IGFBP5: variants seen among roughly 807,000 people sequenced by gnomAD.
The protein encoded by IGFBP5 is insulin like growth factor binding protein 5, also known as insulin-like growth factor-binding protein 5.
IGFBP5 carries 12 observed loss-of-function variants against 28.0 expected under a neutral mutation model. The observed-to-expected ratio is 0.43, with a 90% CI of 0.27 to 0.69. The LOEUF is 0.69. Ranked by LOEUF, IGFBP5 falls within the 30% of genes least tolerant of loss-of-function variation. IGFBP5 has a pLI of 0.20. For missense variants in IGFBP5, 344 were observed against 381.6 expected, an observed-to-expected ratio of 0.90 and a Z score of 0.82; for synonymous variants, 152 against 150.2, an observed-to-expected ratio of 1.01 and a Z score of -0.09.
intron 1 of IGFBP5, among the ~76,000 whole-genome samples, chr2:216,687,550 C>T (rs1042619808): frequency 2.6e-5 from 4 of 152,152 alleles, no homozygotes; most frequent in Non-Finnish European, 4.4e-5. Flanking sequence ...AAGCAGCTGG[C>T]GATAACTGTA....
intron 1 of IGFBP5, among the ~76,000 whole-genome samples, chr2:216,686,493 C>T (rs1475232574): frequency 6.6e-6 from 1 of 151,942 alleles, no homozygotes; most frequent in Non-Finnish European, 1.5e-5. Flanking sequence ...CAGTGTGCAC[C>T]TATAGTCCTA....
rs1173455148 is a variant in IGFBP5, at chr2:216,674,871, G to A, written c.*1880C>T. The A allele has an allele frequency of 6.6e-6, 1 of 152,222 alleles. No homozygotes were observed. Among genetic ancestry groups the A allele is most frequent in the Non-Finnish European group, 1.5e-5 (1 of 68,082 alleles). 9.4% of individuals were successfully genotyped at this position (152,222 alleles called of 1,614,324 possible). Reference sequence around the variant, plus strand: ...GTCCCTCATTGCAGGCTGAAGGTGGGCAGCGGAGCACATAGTCTTGTCCCT... The same window carrying A: ...GTCCCTCATTGCAGGCTGAAGGTGGACAGCGGAGCACATAGTCTTGTCCCT... On this transcript the variant is annotated 3_prime_UTR_variant, in exon 4 of 4. Coordinates refer to ENST00000233813, the MANE Select transcript of IGFBP5 (RefSeq NM_000599.4). The surrounding 1 kb of genome is among the most constrained non-coding windows in gnomAD (Gnocchi z 4.4).
chr2:216,694,896 A>T lies in IGFBP5; in HGVS notation c.-121T>A, dbSNP rs1474706006. ...TTGTTTTTGTTTTAAAATTTCTGGC[A>T]GGTAGAGCAGGTGCCCTCCCCCAGA... On this transcript the variant is annotated 5_prime_UTR_variant, in exon 1 of 4. Coordinates refer to ENST00000233813, the MANE Select transcript of IGFBP5 (RefSeq NM_000599.4). This position sits in a 1 kb window ranked among gnomAD's most constrained non-coding sequence, Gnocchi z 5.2. 1.6e-6 allele frequency: 1 copy of T among 638,990 alleles called. No homozygotes were observed. The highest frequency in any genetic ancestry group is 2.3e-6 in the Non-Finnish European group (1 of 432,394). The allele number at this position is 638,990 out of a possible 1,614,324, so 39.6% of individuals were successfully genotyped here. A position where few individuals can be genotyped will look rare whatever the true frequency, so the allele number is the denominator to read the frequency against.
intron 1 of IGFBP5, among the ~76,000 whole-genome samples, chr2:216,691,705 C>T (rs896977515): frequency 6.6e-6 from 1 of 152,140 alleles, no homozygotes; most frequent in South Asian, 2.1e-4. Flanking sequence ...TGCCACCTCA[C>T]TCTCTTCTGC....
intron 1 of IGFBP5, among the ~76,000 whole-genome samples, chr2:216,689,289 G>A (rs569342282): frequency 1.6e-4 from 24 of 152,294 alleles, no homozygotes; most frequent in South Asian, 1.5e-3. Context: ...GAGGTTTGGC[G>A]CATGGACCTG....
chr2:216,682,878 T>G (rs2106220396), intron 1 of IGFBP5, among the ~76,000 whole-genome samples: 2 of 152,080 alleles, frequency 1.3e-5, no homozygotes, highest in African/African-American at 4.8e-5. Flanking sequence ...CCGGCTAATT[T>G]TTTGTATTTT....
chr2:216,691,233 T>C (rs1689091312), intron 1 of IGFBP5, among the ~76,000 whole-genome samples: 1 of 152,232 alleles, frequency 6.6e-6, no homozygotes, highest in Non-Finnish European at 1.5e-5. Context: ...TTTTGCTTTC[T>C]TTTCCAGAAG....
intron 1 of IGFBP5, among the ~76,000 whole-genome samples, chr2:216,684,338 G>A (rs1267422942): frequency 1.3e-5 from 2 of 152,078 alleles, no homozygotes; most frequent in East Asian, 1.9e-4. Context: ...GCCACACCCC[G>A]GTGCTATTAA....
rs758433852 is a variant in IGFBP5 at position 216,694,652 on chromosome 2, G to A, written c.124C>T (p.Pro42Ser). The A allele has an allele frequency of 1.3e-6, 2 of 1,528,282 alleles. No homozygotes were observed. Among genetic ancestry groups the A allele is most frequent in the East Asian group, 4.9e-5 (2 of 40,836 alleles). 94.7% of individuals were successfully genotyped at this position (1,528,282 alleles called of 1,614,324 possible). A position where few individuals can be genotyped will look rare whatever the true frequency, so the allele number is the denominator to read the frequency against. The change falls in exon 1 of 4, where the codon CCC becomes TCC. Residue 42 changes from proline to serine, a missense_variant. Pro to Ser is a moderately conservative substitution (Grantham distance 74). This residue lies in a region of IGFBP5 where 304 missense variants were observed against 329.2 expected (regional missense o/e 0.92). Coordinates refer to ENST00000233813, the MANE Select transcript of IGFBP5 (RefSeq NM_000599.4). The surrounding 1 kb of genome is among the most constrained non-coding windows in gnomAD (Gnocchi z 5.2). ...TCCTTGACCAGCTCGCAGCCCAGGG[G>A]GCTGGGGGGGCACATGGAGAGGGCT... ...EKALSMCPPS[P>S]LGCELVKEPG...
At chr2:216,691,240 G>C (rs1281249704) in intron 1 of IGFBP5, among the ~76,000 whole-genome samples, 6 of 152,178 alleles carry the variant, frequency 3.9e-5, no homozygotes, top group Admixed American at 2.6e-4. Context: ...TTCTTTTCCA[G>C]AAGCCTATTT....
chr2:216,692,237 G>A lies in IGFBP5; in HGVS notation c.337+2202C>T, dbSNP rs1689107932. ...GCCTTCGGCGGGGTGGAGTCGGAGA[G>A]GAGTGCTGGGGAGGGGGCGGGTAGA... On this transcript the variant is annotated intron_variant, in intron 1 of 3. Transcript: ENST00000233813. This position sits in a 1 kb window ranked among gnomAD's most constrained non-coding sequence, Gnocchi z 4.2. Among the ~76,000 whole-genome samples, 1 of 152,084 alleles carries A rather than the reference G, an allele frequency of 6.6e-6. No homozygotes were observed. Among genetic ancestry groups the A allele is most frequent in the Admixed American group, 6.5e-5 (1 of 15,280 alleles).
At chr2:216,681,293 G>C (rs1688975361) in intron 1 of IGFBP5, among the ~76,000 whole-genome samples, 1 of 152,198 alleles carries the variant, frequency 6.6e-6, no homozygotes, top group Admixed American at 6.5e-5. Context: ...TGTAGGGGGA[G>C]GGGCAGACAG....
intron 2 of IGFBP5, 67 bp downstream of exon 2, chr2:216,678,783 G>A: frequency 1.5e-6 from 2 of 1,327,490 alleles, no homozygotes; most frequent in African/African-American, 1.4e-5. Flanking sequence ...CTGCCGCCAT[G>A]AATGTCCATT....
At position 216,692,216 on chromosome 2, in the gene IGFBP5, T is replaced by C. The variant is rs62178330; in HGVS notation, c.337+2223A>G. 0.2 allele frequency among the ~76,000 whole-genome samples: 31,133 copies of C among 151,954 alleles called. 3,246 individuals carry two copies. Among genetic ancestry groups the C allele is most frequent in the Non-Finnish European group, 0.23 (15,676 of 67,954 alleles). Reference sequence around the variant, plus strand: ...ACAGCAGCCGGCCGGGCACCTGCCTTCGGCGGGGTGGAGTCGGAGAGGAGT... The same window carrying C: ...ACAGCAGCCGGCCGGGCACCTGCCTCCGGCGGGGTGGAGTCGGAGAGGAGT... On this transcript the variant is annotated intron_variant, in intron 1 of 3. Coordinates refer to ENST00000233813, the MANE Select transcript of IGFBP5 (RefSeq NM_000599.4). This position sits in a 1 kb window ranked among gnomAD's most constrained non-coding sequence, Gnocchi z 4.2.
Position 216,672,198 on chromosome 2 carries a change from T to C in IGFBP5, c.*4553A>G, listed in dbSNP as rs564755610. 6.6e-6 allele frequency: 1 copy of C among 152,220 alleles called. No individual in the cohort carries two copies. The highest frequency in any genetic ancestry group is 1.5e-5 in the Non-Finnish European group (1 of 68,016). 9.4% of individuals were successfully genotyped at this position (152,220 alleles called of 1,614,324 possible). A position where few individuals can be genotyped will look rare whatever the true frequency, so the allele number is the denominator to read the frequency against. ...TAAATTATAAGTTGAATAAATAGTATACAGCAATCTTCACTTTTTAAGAAA... is the reference window on the plus strand; with the variant it reads ...TAAATTATAAGTTGAATAAATAGTACACAGCAATCTTCACTTTTTAAGAAA... On this transcript the variant is annotated 3_prime_UTR_variant, in exon 4 of 4. Transcript: ENST00000233813.
At chr2:216,693,809 G>C (rs1689131942) in intron 1 of IGFBP5, among the ~76,000 whole-genome samples, 1 of 152,034 alleles carries the variant, frequency 6.6e-6, no homozygotes. Context: ...AAAAGCAATG[G>C]TTATGCACAT....
chr2:216,694,452 C>G lies in IGFBP5; in HGVS notation c.324G>C (p.Glu108Asp), dbSNP rs755522130. ...GVCLNEKSYREQVKIERDSRE... is the reference protein window; with the variant it reads ...GVCLNEKSYRDQVKIERDSRE... ...GAGCGCGCTCACCGATCTTGACTTGCTCGCGGTAGCTCTTTTCGTTGAGGC... is the reference window on the plus strand; with the variant it reads ...GAGCGCGCTCACCGATCTTGACTTGGTCGCGGTAGCTCTTTTCGTTGAGGC... The change falls in exon 1 of 4, where the codon GAG becomes GAC. Residue 108 changes from glutamate (E) to aspartate (D), a missense_variant. Around this residue, in one of 3 missense-constraint regions of IGFBP5, gnomAD observed 304 missense variants for 329.2 expected, o/e 0.92. Coordinates refer to ENST00000233813, the MANE Select transcript of IGFBP5 (RefSeq NM_000599.4). This position sits in a 1 kb window ranked among gnomAD's most constrained non-coding sequence, Gnocchi z 5.2. The G allele has an allele frequency of 1.3e-6, 2 of 1,564,240 alleles. No homozygotes were observed. The highest frequency in any genetic ancestry group is 1.7e-6 in the Non-Finnish European group (2 of 1,159,538).
Position 216,675,846 on chromosome 2 carries a change from G to A in IGFBP5, c.*905C>T, listed in dbSNP as rs1313884479. On this transcript the variant is annotated 3_prime_UTR_variant, in exon 4 of 4. Transcript: ENST00000233813. Reference sequence around the variant, plus strand: ...TTTTCAGCCTATCCTCCCCCACAGAGGCTGCTGCGCTACTTACAAATTGAA... The same window carrying A: ...TTTTCAGCCTATCCTCCCCCACAGAAGCTGCTGCGCTACTTACAAATTGAA... 1.3e-5 allele frequency: 2 copies of A among 151,848 alleles called. No individual in the cohort carries two copies. The highest frequency in any genetic ancestry group is 2.9e-5 in the Non-Finnish European group (2 of 67,976). The allele number at this position is 151,848 out of a possible 1,614,324, so 9.4% of individuals were successfully genotyped here. A position where few individuals can be genotyped will look rare whatever the true frequency, so the allele number is the denominator to read the frequency against.
At chr2:216,682,665 T>G (rs11575173) in intron 1 of IGFBP5, among the ~76,000 whole-genome samples, 1,763 of 151,754 alleles carry the variant, frequency 0.012, 27 homozygotes, top group African/African-American at 0.04. Flanking sequence ...CGTGGGAGAC[T>G]GACACCCACA....
Sources: gnomAD v4.1 joint callset for allele counts (sites outside exome capture counted in the v4.1 genomes callset) on GRCh38, gnomAD v4.1.1 for gene constraint, gnomAD v4.1.1 regional missense constraint, Gnocchi (gnomAD v3.1) non-coding constraint, MANE v1.5 for transcripts, NCBI Gene and HGNC (gene_info 2026-07-23, HGNC 2026-07-21) for gene names.